PLEKHG3: variants seen among roughly 807,000 people sequenced by gnomAD.
The protein encoded by PLEKHG3 is pleckstrin homology domain-containing family G member 3.
Under a neutral mutation model 94.9 loss-of-function variants are expected in PLEKHG3, and 62 were observed. The observed-to-expected ratio is 0.65, with a 90% CI of 0.53 to 0.81. The LOEUF (loss-of-function observed/expected upper bound fraction) is 0.81, where lower values mean the gene tolerates loss of function less well. PLEKHG3 is among the 30% of genes least tolerant of loss of function. The pLI, the probability that PLEKHG3 is intolerant of heterozygous loss-of-function variation, is 0.00. For synonymous variants in PLEKHG3, 614 were observed against 654.0 expected (o/e 0.94, Z 0.93); for missense variants, 1,461 against 1,619.3 (o/e 0.90, Z 1.68).
Position 64,717,112 on chromosome 14 carries a change from C to CTGT in PLEKHG3, c.-39-10481_-39-10480insTGT, listed in dbSNP as rs5809246. Among the ~76,000 whole-genome samples the CTGT allele has an allele frequency of 2.7e-4, 39 of 144,270 alleles. No individual in the cohort carries two copies. Among genetic ancestry groups the CTGT allele is most frequent in the African/African-American group, 9.1e-4 (35 of 38,616 alleles). The allele number at this position is 144,270 out of a possible 152,430, so 94.6% of individuals were successfully genotyped here. On this transcript the variant is annotated intron_variant, in intron 1 of 16. Coordinates refer to ENST00000247226, the MANE Select transcript of PLEKHG3 (RefSeq NM_001308147.2). The surrounding 1 kb of genome is among the most constrained non-coding windows in gnomAD (Gnocchi z 4.7). ...GGCTGGCCGCCTTTGGGAATTTACACGTGTGTGTGTGTGTGTGTGTGTGTG... is the reference window on the plus strand; with the variant it reads ...GGCTGGCCGCCTTTGGGAATTTACACTGTGTGTGTGTGTGTGTGTGTGTGTGTG...
At chr14:64,713,247 T>C (rs2081087824) in intron 1 of PLEKHG3, among the ~76,000 whole-genome samples, 2 of 152,206 alleles carry the variant, frequency 1.3e-5, no homozygotes, top group Non-Finnish European at 2.9e-5. Context: ...GAATGTGGGA[T>C]TGTAGGTTTC....
intron 1 of PLEKHG3, among the ~76,000 whole-genome samples, chr14:64,710,433 G>C (rs2081050451): frequency 6.6e-6 from 1 of 152,230 alleles, no homozygotes; most frequent in Non-Finnish European, 1.5e-5. Flanking sequence ...ACTTTGAGAG[G>C]CTGATGCCGG....
chr14:64,713,763 TC>T (rs983586500), intron 1 of PLEKHG3, among the ~76,000 whole-genome samples: 10 of 152,108 alleles, frequency 6.6e-5, no homozygotes, highest in African/African-American at 1.9e-4. Flanking sequence ...TTCCCCCATT[TC>T]CTTTTTTTTT....
chr14:64,739,005 A>G lies in PLEKHG3; in HGVS notation c.1518+150A>G, dbSNP rs2139394716. 4.7e-6 allele frequency: 3 copies of G among 634,828 alleles called. No homozygotes were observed. Among genetic ancestry groups the G allele is most frequent in the Non-Finnish European group, 8.6e-6 (3 of 349,468 alleles). 39.3% of individuals were successfully genotyped at this position (634,828 alleles called of 1,614,324 possible). The stretch of plus-strand genomic sequence containing the variant: ...CTCCCAGGACTCTCAGCCCTGCATG[A>G]AGCCTGTTTGGCCTAGAGTATATGG... On this transcript the variant is annotated intron_variant, in intron 15 of 16. Transcript: ENST00000247226. The surrounding 1 kb of genome is among the most constrained non-coding windows in gnomAD (Gnocchi z 4.1).
Position 64,746,815 on chromosome 14 carries a change from G to C in PLEKHG3, c.*3112G>C, listed in dbSNP as rs1299680174. 6.6e-6 allele frequency: 1 copy of C among 152,536 alleles called. No homozygotes were observed. Among genetic ancestry groups the C allele is most frequent in the Non-Finnish European group, 1.5e-5 (1 of 68,102 alleles). The allele number at this position is 152,536 out of a possible 1,614,324, so 9.4% of individuals were successfully genotyped here. On this transcript the variant is annotated 3_prime_UTR_variant, in exon 17 of 17. Coordinates refer to ENST00000247226, the MANE Select transcript of PLEKHG3 (RefSeq NM_001308147.2). This position sits in a 1 kb window ranked among gnomAD's most constrained non-coding sequence, Gnocchi z 4.9. ...TAAACTGCCCTGGGAAGGAAGCCTGGTATGCTGGTGTGGACTGGAGCTGTG... is the reference window on the plus strand; with the variant it reads ...TAAACTGCCCTGGGAAGGAAGCCTGCTATGCTGGTGTGGACTGGAGCTGTG...
At position 64,743,377 on chromosome 14, in the gene PLEKHG3, G is replaced by C; in HGVS notation, c.3334G>C (p.Ala1112Pro). The C allele has an allele frequency of 6.2e-7, 1 of 1,608,326 alleles. No homozygotes were observed. The highest frequency in any genetic ancestry group is 1.1e-5 in the South Asian group (1 of 90,890). The change falls in exon 17 of 17, where the codon GCT (alanine) becomes CCT (proline). Residue 1112 changes from alanine to proline, a missense_variant. Physicochemically the swap from Ala to Pro is conservative, Grantham distance 27. This residue lies in a region of PLEKHG3 where 1,201 missense variants were observed against 1,295.5 expected (regional missense o/e 0.93). Coordinates refer to ENST00000247226, the MANE Select transcript of PLEKHG3 (RefSeq NM_001308147.2). This position sits in a 1 kb window ranked among gnomAD's most constrained non-coding sequence, Gnocchi z 7.2. ...STKRGRGGGE[A>P]AQSPGPLPQS... ...CAAGAGGGGCCGGGGAGGCGGAGAGGCTGCCCAATCCCCTGGGCCTCTGCC... is the reference window on the plus strand; with the variant it reads ...CAAGAGGGGCCGGGGAGGCGGAGAGCCTGCCCAATCCCCTGGGCCTCTGCC...
chr14:64,746,960 C>G lies in PLEKHG3; in HGVS notation c.*3257C>G, dbSNP rs907598253. On this transcript the variant is annotated 3_prime_UTR_variant, in exon 17 of 17. Coordinates refer to ENST00000247226, the MANE Select transcript of PLEKHG3 (RefSeq NM_001308147.2). This position sits in a 1 kb window ranked among gnomAD's most constrained non-coding sequence, Gnocchi z 4.9. ...CCCTGGTGTGGCACACACAGGGTCT[C>G]CCAAAGCTGGATGCCTGCATTTTCA... The G allele has an allele frequency of 6.6e-6, 1 of 152,064 alleles. No homozygotes were observed. Among genetic ancestry groups the G allele is most frequent in the Non-Finnish European group, 1.5e-5 (1 of 68,024 alleles). 9.4% of individuals were successfully genotyped at this position (152,064 alleles called of 1,614,324 possible). A position where few individuals can be genotyped will look rare whatever the true frequency, so the allele number is the denominator to read the frequency against.
chr14:64,742,483 TC>T, intron 16 of PLEKHG3, 28 bp downstream of exon 16: 2 of 1,522,132 alleles, frequency 1.3e-6, no homozygotes, highest in Non-Finnish European at 1.8e-6. Context: ...AGTGGGCCCT[TC>T]CCCAAGTCTA....
Position 64,738,842 on chromosome 14 carries a change from C to A in PLEKHG3, c.1505C>A (p.Ser502Tyr). 1.9e-6 allele frequency: 3 copies of A among 1,582,144 alleles called. No homozygotes were observed. Among genetic ancestry groups the A allele is most frequent in the Non-Finnish European group, 2.6e-6 (3 of 1,162,430 alleles). Residue 502 changes from serine to tyrosine, a missense_variant, in exon 15 of 17, where the codon TCT (serine) becomes TAT (tyrosine). Physicochemically the swap from Ser to Tyr is moderately radical, Grantham distance 144. This residue lies in a region of PLEKHG3 where 1,201 missense variants were observed against 1,295.5 expected (regional missense o/e 0.93). Coordinates refer to ENST00000247226, the MANE Select transcript of PLEKHG3 (RefSeq NM_001308147.2). The surrounding 1 kb of genome is among the most constrained non-coding windows in gnomAD (Gnocchi z 4.8). ...AAGCGCATGAGCTTCGAGTCCATTT[C>A]TTCCCTGCCAGAGGTGAGCGACCAG... ...TEKRMSFESI[S>Y]SLPEVEPDPE...
At chr14:64,719,782 A>G (rs1566696576) in intron 1 of PLEKHG3, among the ~76,000 whole-genome samples, 1 of 151,916 alleles carries the variant, frequency 6.6e-6, no homozygotes, top group Non-Finnish European at 1.5e-5. Flanking sequence ...AGGCCTCAAA[A>G]CAAGCAGCCC....
rs751187717 is a variant in PLEKHG3, at chr14:64,743,368, G to A, written c.3325G>A (p.Gly1109Ser). The A allele has an allele frequency of 6.2e-7, 1 of 1,608,074 alleles. No individual in the cohort carries two copies. Among genetic ancestry groups the A allele is most frequent in the Non-Finnish European group, 8.5e-7 (1 of 1,177,012 alleles). The change falls in exon 17 of 17, where the codon GGC becomes AGC. Residue 1109 changes from glycine (G) to serine (S), a missense_variant. Physicochemically the swap from Gly to Ser is moderately conservative, Grantham distance 56. Around this residue, in one of 3 missense-constraint regions of PLEKHG3, gnomAD observed 1,201 missense variants for 1,295.5 expected, o/e 0.93. Coordinates refer to ENST00000247226, the MANE Select transcript of PLEKHG3 (RefSeq NM_001308147.2). This position sits in a 1 kb window ranked among gnomAD's most constrained non-coding sequence, Gnocchi z 7.2. Reference sequence around the variant, plus strand: ...CCTGAGCACCAAGAGGGGCCGGGGAGGCGGAGAGGCTGCCCAATCCCCTGG... The same window carrying A: ...CCTGAGCACCAAGAGGGGCCGGGGAAGCGGAGAGGCTGCCCAATCCCCTGG... ...RSLSTKRGRGGGEAAQSPGPL... is the reference protein window; with the variant it reads ...RSLSTKRGRGSGEAAQSPGPL...
intron 1 of PLEKHG3, among the ~76,000 whole-genome samples, chr14:64,724,869 C>G (rs1035351104): frequency 1.3e-5 from 2 of 152,192 alleles, no homozygotes; most frequent in Non-Finnish European, 2.9e-5. Flanking sequence ...TCTGTGGCCT[C>G]AGTACCTGCA....
intron 3 of PLEKHG3, 131 bp downstream of exon 3, chr14:64,729,224 A>G: frequency 1.8e-6 from 1 of 558,722 alleles, no homozygotes; most frequent in South Asian, 2.2e-5. Context: ...CTCTGAGGAC[A>G]GGGAAGGGTT....
At chr14:64,709,808 C>T (rs2081039574) in intron 1 of PLEKHG3, among the ~76,000 whole-genome samples, 1 of 150,350 alleles carries the variant, frequency 6.7e-6, no homozygotes, top group Non-Finnish European at 1.5e-5. Context: ...GCTTCTATTC[C>T]TTCAGTTCAT....
Position 64,716,982 on chromosome 14 carries a change from A to G in PLEKHG3, c.-39-10611A>G, listed in dbSNP as rs2081176770. On this transcript the variant is annotated intron_variant, in intron 1 of 16. Transcript: ENST00000247226. This position sits in a 1 kb window ranked among gnomAD's most constrained non-coding sequence, Gnocchi z 5.0. The stretch of plus-strand genomic sequence containing the variant: ...GGCGTCTCTGGTGAGGCCCCTTAGT[A>G]GGGGAAGCGGGGAACATGGGGGATG... 6.6e-6 allele frequency among the ~76,000 whole-genome samples: 1 copy of G among 152,042 alleles called. No individual in the cohort carries two copies. Among genetic ancestry groups the G allele is most frequent in the Non-Finnish European group, 1.5e-5 (1 of 67,988 alleles).
Position 64,741,491 on chromosome 14 carries a change from A to G in PLEKHG3, c.1974A>G (p.Thr658=). ...EKGLARHGSA[T]DSLSCQLSPE... is the part of the protein sequence containing the mutation. ...GCCTGGCCCGGCATGGCAGTGCCAC[A>G]GACTCCCTCAGCTGTCAGCTCTCCC... The change falls in exon 16 of 17, where the codon ACA becomes ACG. Residue 658 remains threonine (T), a synonymous_variant. Transcript: ENST00000247226. The G allele has an allele frequency of 1.2e-6, 2 of 1,612,810 alleles. No individual in the cohort carries two copies. Among genetic ancestry groups the G allele is most frequent in the Non-Finnish European group, 1.7e-6 (2 of 1,179,974 alleles).
chr14:64,741,113 T>G lies in PLEKHG3; in HGVS notation c.1596T>G (p.Pro532=). Residue 532 remains proline, a synonymous_variant, in exon 16 of 17, where the codon CCT becomes CCG. Transcript: ENST00000247226. ...AAGGGCCCAGTGCCGAGGAGACGCC[T>G]TCAGACACAGAATCTCCAGAAGTCC... ...AVEGPSAEET[P]SDTESPEVLE... is the part of the protein sequence containing the mutation. The G allele has an allele frequency of 6.2e-7, 1 of 1,614,006 alleles. No homozygotes were observed. The highest frequency in any genetic ancestry group is 1.3e-5 in the African/African-American group (1 of 75,054).
chr14:64,712,290 T>A (rs755474008), intron 1 of PLEKHG3, among the ~76,000 whole-genome samples: 2 of 152,150 alleles, frequency 1.3e-5, no homozygotes, highest in African/African-American at 2.4e-5. Context: ...TTTTTCAAGG[T>A]TGTTTTGGGT....
In PLEKHG3 at chr14:64,746,589, T is replaced by C. The variant is rs1400362433; in HGVS notation, c.*2886T>C. On this transcript the variant is annotated 3_prime_UTR_variant, in exon 17 of 17. Coordinates refer to ENST00000247226, the MANE Select transcript of PLEKHG3 (RefSeq NM_001308147.2). The surrounding 1 kb of genome is among the most constrained non-coding windows in gnomAD (Gnocchi z 4.9). ...CCTAGGGGACCCTGGCTCCCTCCGA[T>C]AGGCAGGAAGGAGGAGGGATGCGGA... is the stretch of plus-strand genomic sequence containing the variant. 1 of 152,398 alleles carries C rather than the reference T, an allele frequency of 6.6e-6. No individual in the cohort carries two copies. Among genetic ancestry groups the C allele is most frequent in the Non-Finnish European group, 1.5e-5 (1 of 68,042 alleles). 9.4% of individuals were successfully genotyped at this position (152,398 alleles called of 1,614,324 possible).
Sources: allele counts gnomAD v4.1 joint callset (sites outside exome capture counted in the v4.1 genomes callset), GRCh38; gene constraint gnomAD v4.1.1; regional missense constraint gnomAD v4.1.1; non-coding constraint Gnocchi (gnomAD v3.1); transcripts MANE v1.5; gene names NCBI Gene and HGNC (gene_info 2026-07-23, HGNC 2026-07-21).